C9: variants seen among roughly 807,000 people sequenced by gnomAD.
C9 encodes the protein complement component C9.
In C9, 63 loss-of-function variants were observed where a neutral mutation model predicts 65.4. The observed-to-expected ratio is 0.96, with a 90% CI of 0.79 to 1.19. The LOEUF is 1.19. Among genes scored for constraint, C9 ranks in the 50% most tolerant of loss-of-function variants. The probability of loss-of-function intolerance (pLI) is 0.00; values close to 1 mark genes in which losing one functional copy is unlikely to be tolerated. For missense variants in C9, 744 were observed against 670.1 expected, an observed-to-expected ratio of 1.11 and a Z score of -1.22; for synonymous variants, 229 against 227.9, an observed-to-expected ratio of 1.00 and a Z score of -0.04.
Position 39,306,729 on chromosome 5 carries a change from T to C in C9, c.1304A>G (p.Lys435Arg). 1 of 1,612,764 alleles carries C rather than the reference T, an allele frequency of 6.2e-7. No individual in the cohort carries two copies. The highest frequency in any genetic ancestry group is 1.7e-5 in the Admixed American group (1 of 59,992). ...CTTTTCTTTCAGTTCAAATGCATAT[T>C]TTCTGGTTCCACCTCTTATGAGTGA... is the stretch of plus-strand genomic sequence containing the variant. ...VVSLIRGGTR[K>R]YAFELKEKLL... The change falls in exon 9 of 11, where the codon AAA (lysine) becomes AGA (arginine). Residue 435 changes from lysine to arginine, a missense_variant. Transcript: ENST00000263408.
chr5:39,359,964 CATAA>C (rs1754484930), intron 1 of C9, among the ~76,000 whole-genome samples: 1 of 152,242 alleles, frequency 6.6e-6, no homozygotes, highest in East Asian at 1.9e-4. Context: ...AAATGTAGTT[CATAA>C]ATAAATATCT....
intron 1 of C9, among the ~76,000 whole-genome samples, chr5:39,351,095 C>A (rs1352372450): frequency 1.3e-5 from 2 of 152,202 alleles, no homozygotes; most frequent in Non-Finnish European, 2.9e-5. Context: ...CATGTGGAAG[C>A]CACCAAGGCT....
chr5:39,300,832 T>C (rs187779541), intron 9 of C9, among the ~76,000 whole-genome samples: 1 of 152,286 alleles, frequency 6.6e-6, no homozygotes, highest in Non-Finnish European at 1.5e-5. Context: ...AAAGACAGTT[T>C]AACTTCTTCC....
intron 1 of C9, among the ~76,000 whole-genome samples, chr5:39,345,024 C>T (rs1754163853): frequency 6.6e-6 from 1 of 152,188 alleles, no homozygotes; most frequent in East Asian, 1.9e-4. Context: ...GAAGGAAGCA[C>T]CAAACATGAA....
In C9 at chr5:39,314,552, G is replaced by T. The variant is rs559956556; in HGVS notation, c.870+1223C>A. On this transcript the variant is annotated intron_variant, in intron 6 of 10. Coordinates refer to ENST00000263408, the MANE Select transcript of C9 (RefSeq NM_001737.5). The stretch of plus-strand genomic sequence containing the variant: ...AAAGCCACACTGAGTGGACTTTTAA[G>T]TTCTTCATGATCTGATTCAAGGTAA... 3.9e-5 allele frequency among the ~76,000 whole-genome samples: 6 copies of T among 152,238 alleles called. No homozygotes were observed. In the East Asian group the frequency reaches 1.2e-3, roughly 29 times the overall value.
intron 4 of C9, among the ~76,000 whole-genome samples, chr5:39,339,624 A>T (rs949562906): frequency 6.7e-6 from 1 of 148,772 alleles, no homozygotes; most frequent in Non-Finnish European, 1.5e-5. Flanking sequence ...CACAGCTACA[A>T]TGGTCTCCAG....
Position 39,334,618 on chromosome 5 carries a change from C to T in C9, c.477-2804G>A, listed in dbSNP as rs1360120246. Among the ~76,000 whole-genome samples the T allele has an allele frequency of 1.2e-4, 18 of 150,928 alleles. 1 individual carries two copies. The highest frequency in any genetic ancestry group is 5.9e-4 in the East Asian group (3 of 5,104). ...GCTGCCCCGTCTGGGAGGTGAGGGG[C>T]GCCTCTGCCTGGCCACCCCTACTGG... On this transcript the variant is annotated intron_variant, in intron 4 of 10. Coordinates refer to ENST00000263408, the MANE Select transcript of C9 (RefSeq NM_001737.5).
chr5:39,333,280 C>T (rs1186200872), intron 4 of C9, among the ~76,000 whole-genome samples: 5 of 152,166 alleles, frequency 3.3e-5, no homozygotes, highest in African/African-American at 1.2e-4. Flanking sequence ...TCCCTAGTGG[C>T]TTTGTGCTTG....
chr5:39,354,615 G>A lies in C9; in HGVS notation c.77+9773C>T, dbSNP rs148241054. ...TTGTCACTGAGCTGGTATCCTTTCT[G>A]AGTACCTACTATGTTCCAGGTATTT... On this transcript the variant is annotated intron_variant, in intron 1 of 10. Transcript: ENST00000263408. Among the ~76,000 whole-genome samples the A allele has an allele frequency of 7.4e-3, 1,120 of 152,248 alleles. 6 individuals are homozygous for A. The highest frequency in any genetic ancestry group is 0.024 in the Middle Eastern group (7 of 294).
chr5:39,333,736 C>G (rs1000178721), intron 4 of C9, among the ~76,000 whole-genome samples: 2 of 151,860 alleles, frequency 1.3e-5, no homozygotes, highest in Admixed American at 6.6e-5. Flanking sequence ...CTCAGCCTGC[C>G]GAGTGCCTGC....
chr5:39,317,535 G>A (rs905554047), intron 5 of C9, among the ~76,000 whole-genome samples: 1 of 152,134 alleles, frequency 6.6e-6, no homozygotes, highest in African/African-American at 2.4e-5. Context: ...TGTAACGAAG[G>A]GGTCCAGTTT....
intron 9 of C9, among the ~76,000 whole-genome samples, chr5:39,302,797 T>G (rs1196614058): frequency 6.6e-6 from 1 of 152,146 alleles, no homozygotes; most frequent in Non-Finnish European, 1.5e-5. Context: ...CAAATTTAGC[T>G]TCATTTTCTA....
chr5:39,299,189 G>A (rs1302424681), intron 9 of C9, among the ~76,000 whole-genome samples: 2 of 151,916 alleles, frequency 1.3e-5, no homozygotes, highest in Non-Finnish European at 2.9e-5. Context: ...CTCTATTTCA[G>A]ATGACATGAT....
intron 9 of C9, among the ~76,000 whole-genome samples, 186 bp downstream of exon 9, chr5:39,306,431 C>T (rs1485865114): frequency 6.6e-6 from 1 of 152,086 alleles, no homozygotes; most frequent in Non-Finnish European, 1.5e-5. Flanking sequence ...GACAGGAAGT[C>T]AGCCAGGATG....
At chr5:39,286,329 A>G (rs929853821) in intron 10 of C9, among the ~76,000 whole-genome samples, 1 of 152,076 alleles carries the variant, frequency 6.6e-6, no homozygotes, top group Non-Finnish European at 1.5e-5. Flanking sequence ...AAAGCATAAT[A>G]TGCCATGAGA....
intron 5 of C9, among the ~76,000 whole-genome samples, chr5:39,326,886 G>GT (rs1753754916): frequency 6.6e-6 from 1 of 151,506 alleles, no homozygotes; most frequent in African/African-American, 2.4e-5. Flanking sequence ...TTAAATATTT[G>GT]TTTTTTGCCA....
intron 4 of C9, among the ~76,000 whole-genome samples, chr5:39,332,163 C>T (rs1753856136): frequency 6.6e-6 from 1 of 152,198 alleles, no homozygotes; most frequent in Admixed American, 6.5e-5. Flanking sequence ...ATAACTGATG[C>T]TGTAATACCA....
intron 1 of C9, among the ~76,000 whole-genome samples, chr5:39,342,505 T>G (rs1037676090): frequency 1.7e-4 from 26 of 152,222 alleles, no homozygotes; most frequent in Admixed American, 9.2e-4. Flanking sequence ...TAGATTAATC[T>G]TATATTTCCA....
chr5:39,300,888 T>C (rs184678872), intron 9 of C9, among the ~76,000 whole-genome samples: 1 of 152,152 alleles, frequency 6.6e-6, no homozygotes, highest in Non-Finnish European at 1.5e-5. Flanking sequence ...TTTATTTCAC[T>C]GGCTAGGACT....
Sources: gnomAD v4.1 joint callset for allele counts (sites outside exome capture counted in the v4.1 genomes callset) on GRCh38, gnomAD v4.1.1 for gene constraint, MANE v1.5 for transcripts, NCBI Gene and HGNC (gene_info 2026-07-23, HGNC 2026-07-21) for gene names.